DNAH9: variants seen among roughly 807,000 people sequenced by gnomAD.
DNAH9 encodes DNAH9 variant protein.
DNAH9 carries 345 observed loss-of-function variants against 471.6 expected under a neutral mutation model. That is an observed-to-expected ratio of 0.73 (90% confidence interval 0.67 to 0.80). The LOEUF (loss-of-function observed/expected upper bound fraction) is 0.80, where lower values mean the gene tolerates loss of function less well. DNAH9 is among the 30% of genes least tolerant of loss of function. DNAH9 has a pLI of 0.00. For synonymous variants in DNAH9, 2,093 were observed against 2,123.6 expected (o/e 0.99, Z 0.40); for missense variants, 5,407 against 5,609.2 (o/e 0.96, Z 1.15).
Position 11,941,710 on chromosome 17 carries a change from A to G in DNAH9, c.12661-593A>G, listed in dbSNP as rs1287285302. On this transcript the variant is annotated intron_variant, in intron 66 of 68. Coordinates refer to ENST00000262442, the MANE Select transcript of DNAH9 (RefSeq NM_001372.4). ...TGGATGACCGGATAGATAGATAGATAGATAGATAGATAGATAGATAGATAG... is the reference window on the plus strand; with the variant it reads ...TGGATGACCGGATAGATAGATAGATGGATAGATAGATAGATAGATAGATAG... Among the ~76,000 whole-genome samples the G allele has an allele frequency of 3.9e-5, 4 of 102,086 alleles. No individual in the cohort carries two copies. In the East Asian group the frequency reaches 9.6e-4, roughly 25 times the overall value. 67.0% of individuals were successfully genotyped at this position (102,086 alleles called of 152,430 possible).
intron 1 of DNAH9, among the ~76,000 whole-genome samples, chr17:11,605,273 C>A (rs1450158613): frequency 6.6e-6 from 1 of 152,202 alleles, no homozygotes; most frequent in Non-Finnish European, 1.5e-5. Context: ...ACCCCACACT[C>A]CTGATTCCCT....
At chr17:11,670,326 G>A (rs2083639445) in intron 17 of DNAH9, among the ~76,000 whole-genome samples, 1 of 152,182 alleles carries the variant, frequency 6.6e-6, no homozygotes, top group African/African-American at 2.4e-5. Context: ...GGCTCTCTAA[G>A]CCAGAGCATC....
chr17:11,827,849 C>T (rs1970550098), intron 48 of DNAH9, among the ~76,000 whole-genome samples: 1 of 152,122 alleles, frequency 6.6e-6, no homozygotes, highest in African/African-American at 2.4e-5. Context: ...CCACACCCGG[C>T]TAATTTTTGT....
At chr17:11,684,380 A>G (rs1567716496) in intron 19 of DNAH9, among the ~76,000 whole-genome samples, 1 of 151,972 alleles carries the variant, frequency 6.6e-6, no homozygotes, top group African/African-American at 2.4e-5. Flanking sequence ...CTAAATTATA[A>G]CACCATATTT....
chr17:11,967,140 T>C (rs1369421604), intron 68 of DNAH9, among the ~76,000 whole-genome samples: 1 of 151,922 alleles, frequency 6.6e-6, no homozygotes, highest in Non-Finnish European at 1.5e-5. Context: ...GGTGACTAAC[T>C]TTGCCACCCA....
At position 11,902,839 on chromosome 17, in the gene DNAH9, A is replaced by G; in HGVS notation, c.11527A>G (p.Lys3843Glu). The change falls in exon 60 of 69, where the codon AAG (lysine) becomes GAG (glutamate). Residue 3843 changes from lysine to glutamate, a missense_variant. Lys to Glu is a moderately conservative substitution (Grantham distance 56, BLOSUM62 1). This residue lies in a region of DNAH9 where 4,636 missense variants were observed against 4,900.3 expected (regional missense o/e 0.95). Coordinates refer to ENST00000262442, the MANE Select transcript of DNAH9 (RefSeq NM_001372.4). ...GAAAGAGAAGCTCCCACAGGAGTGGAAGAACAAGACAGCCCTGCAGCGCCT... is the reference window on the plus strand; with the variant it reads ...GAAAGAGAAGCTCCCACAGGAGTGGGAGAACAAGACAGCCCTGCAGCGCCT... Reference protein sequence around the residue: ...PEKEKLPQEWKNKTALQRLCM... With the variant: ...PEKEKLPQEWENKTALQRLCM... 1 of 1,614,016 alleles carries G rather than the reference A, an allele frequency of 6.2e-7. No homozygotes were observed. Among genetic ancestry groups the G allele is most frequent in the Admixed American group, 1.7e-5 (1 of 60,024 alleles).
intron 14 of DNAH9, among the ~76,000 whole-genome samples, chr17:11,659,696 A>G (rs2073720042): frequency 6.6e-6 from 1 of 152,146 alleles, no homozygotes; most frequent in Admixed American, 6.5e-5. Context: ...CTATCCTCAC[A>G]TCCTCATCTT....
chr17:11,686,378 CTTA>C (rs1247989777), intron 19 of DNAH9, among the ~76,000 whole-genome samples: 1 of 152,148 alleles, frequency 6.6e-6, no homozygotes, highest in Non-Finnish European at 1.5e-5. Flanking sequence ...TACATTTTGC[CTTA>C]TTATTTCAAC....
rs139928866 is a variant in DNAH9 at position 11,725,823 on chromosome 17, C to T, written c.5710-1995C>T. 1.6e-4 allele frequency among the ~76,000 whole-genome samples: 24 copies of T among 152,088 alleles called. No individual in the cohort carries two copies. The East Asian group carries it at 3.7e-3, about 23-fold the overall frequency. ...CAGAGGTTGCAGTGAACTGAGATTGCGCCACTGCACTCCAGCCTGGGTGAC... is the reference window on the plus strand; with the variant it reads ...CAGAGGTTGCAGTGAACTGAGATTGTGCCACTGCACTCCAGCCTGGGTGAC... On this transcript the variant is annotated intron_variant, in intron 27 of 68. Transcript: ENST00000262442.
rs1349664020 is a variant in DNAH9 at position 11,894,396 on chromosome 17, T to C, written c.11306T>C (p.Val3769Ala). The C allele has an allele frequency of 6.2e-7, 1 of 1,614,066 alleles. No individual in the cohort carries two copies. Among genetic ancestry groups the C allele is most frequent in the Non-Finnish European group, 8.5e-7 (1 of 1,179,986 alleles). ...CAGATTCTCCTCATGAACCGAGAAG[T>C]CAATGCAGTGGAGTTGGATTTCCTG... ...TFQILLMNRE[V>A]NAVELDFLLR... The change falls in exon 59 of 69, where the codon GTC becomes GCC. Residue 3769 changes from valine (V) to alanine (A), a missense_variant. Physicochemically the swap from Val to Ala is moderately conservative, Grantham distance 64. Coordinates refer to ENST00000262442, the MANE Select transcript of DNAH9 (RefSeq NM_001372.4).
Position 11,652,668 on chromosome 17 carries a change from G to T in DNAH9, c.2354-93G>T, listed in dbSNP as rs887710431. On this transcript the variant is annotated intron_variant, in intron 13 of 68. Coordinates refer to ENST00000262442, the MANE Select transcript of DNAH9 (RefSeq NM_001372.4). ...TGTGTAGAAAAGTCTTATAACACTC[G>T]CAAGTATTAAATCCCTGTCTTTCAT... 5.1e-6 allele frequency: 6 copies of T among 1,185,764 alleles called. No individual in the cohort carries two copies. In the Admixed American group the frequency reaches 8.3e-5, roughly 16 times the overall value. 73.5% of individuals were successfully genotyped at this position (1,185,764 alleles called of 1,614,324 possible). A position where few individuals can be genotyped will look rare whatever the true frequency, so the allele number is the denominator to read the frequency against.
intron 21 of DNAH9, 90 bp from the exon 22 acceptor site, chr17:11,694,231 T>A: frequency 7.1e-7 from 1 of 1,415,738 alleles, no homozygotes; most frequent in South Asian, 1.2e-5. Flanking sequence ...ATATGTTCCG[T>A]CTATTGCATA....
intron 6 of DNAH9, among the ~76,000 whole-genome samples, chr17:11,625,984 C>T (rs1443042786): frequency 1.3e-5 from 2 of 152,156 alleles, no homozygotes; most frequent in Non-Finnish European, 2.9e-5. Context: ...TTATTGTTCC[C>T]ATCTACAGGT....
chr17:11,645,869 TTTTCTTTTTC>T (rs1450083660), intron 11 of DNAH9, among the ~76,000 whole-genome samples: 7 of 129,036 alleles, frequency 5.4e-5, no homozygotes, highest in Admixed American at 1.5e-4. Context: ...ACATTTCTCT[TTTTCTTTTTC>T]TTTTTTTTTT....
chr17:11,669,897 T>A, intron 17 of DNAH9, 103 bp downstream of exon 17: 1 of 1,007,346 alleles, frequency 9.9e-7, no homozygotes, highest in Admixed American at 2.2e-5. Context: ...GTTGGTTAAA[T>A]TAAAGATTAA....
At chr17:11,643,323 G>A (rs2073314084) in intron 10 of DNAH9, among the ~76,000 whole-genome samples, 1 of 150,878 alleles carries the variant, frequency 6.6e-6, no homozygotes, top group Middle Eastern at 3.4e-3. Flanking sequence ...ATGTGCACAT[G>A]TTTCAGGGGT....
At chr17:11,726,223 T>A (rs768084587) in intron 27 of DNAH9, among the ~76,000 whole-genome samples, 20 of 152,144 alleles carry the variant, frequency 1.3e-4, no homozygotes, top group Non-Finnish European at 2.5e-4. Flanking sequence ...TTCTGTGAGA[T>A]CCCCATATCT....
intron 6 of DNAH9, among the ~76,000 whole-genome samples, chr17:11,620,724 T>C (rs1483871660): frequency 1.3e-5 from 2 of 152,214 alleles, no homozygotes; most frequent in South Asian, 4.2e-4. Flanking sequence ...CTAGAAAGAC[T>C]GACACTGAGC....
In DNAH9 at chr17:11,615,171, G is replaced by A. The variant is rs555580033; in HGVS notation, c.905-2240G>A. On this transcript the variant is annotated intron_variant, in intron 4 of 68. Coordinates refer to ENST00000262442, the MANE Select transcript of DNAH9 (RefSeq NM_001372.4). Reference sequence around the variant, plus strand: ...GAATACTGGGAATATTTATACCATAGAAATTGGCAGATGCTACAAATAAAC... The same window carrying A: ...GAATACTGGGAATATTTATACCATAAAAATTGGCAGATGCTACAAATAAAC... Among the ~76,000 whole-genome samples, 38 of 152,308 alleles carry A rather than the reference G, an allele frequency of 2.5e-4. No homozygotes were observed. In the South Asian group the frequency reaches 2.9e-3, roughly 12 times the overall value.
Sources: gnomAD v4.1 joint callset for allele counts (sites outside exome capture counted in the v4.1 genomes callset) on GRCh38, gnomAD v4.1.1 for gene constraint, gnomAD v4.1.1 regional missense constraint, MANE v1.5 for transcripts, NCBI Gene and HGNC (gene_info 2026-07-23, HGNC 2026-07-21) for gene names.